LHCGR: variants seen among roughly 807,000 people sequenced by gnomAD.
The protein encoded by LHCGR is lutropin-choriogonadotropic hormone receptor.
In LHCGR, 55 loss-of-function variants were observed where a neutral mutation model predicts 60.7. That is an observed-to-expected ratio of 0.91 (90% CI 0.73 to 1.13). LHCGR has a LOEUF of 1.13. Ranked by LOEUF, LHCGR falls within the 50% of genes most tolerant of loss-of-function variation. LHCGR has a pLI of 0.00. For missense variants in LHCGR, 862 were observed against 836.0 expected (o/e 1.03, Z -0.38); for synonymous variants, 337 against 316.5 (o/e 1.06, Z -0.69).
intron 1 of LHCGR, among the ~76,000 whole-genome samples, chr2:48,742,982 T>G (rs182409792): frequency 6.6e-6 from 1 of 151,852 alleles, no homozygotes; most frequent in African/African-American, 2.4e-5. Context: ...AAGAATCCAA[T>G]AGATGCAATA....
At chr2:48,700,955 A>C (rs1189074267) in intron 8 of LHCGR, among the ~76,000 whole-genome samples, 1 of 152,200 alleles carries the variant, frequency 6.6e-6, no homozygotes, top group African/African-American at 2.4e-5. Flanking sequence ...GGCAGGACTT[A>C]CGAAGTAGAC....
chr2:48,736,230 T>C (rs1669200899), intron 1 of LHCGR, among the ~76,000 whole-genome samples: 2 of 152,192 alleles, frequency 1.3e-5, no homozygotes, highest in Admixed American at 6.5e-5. Context: ...CCCAGGATTA[T>C]GTCTTCTCTT....
intron 4 of LHCGR, among the ~76,000 whole-genome samples, chr2:48,724,581 G>T (rs553732624): frequency 6.6e-5 from 10 of 152,174 alleles, no homozygotes; most frequent in Non-Finnish European, 1.5e-4. Flanking sequence ...AGACTGCAAC[G>T]TGTACTTGGG....
chr2:48,735,883 G>T (rs1669187021), intron 1 of LHCGR, among the ~76,000 whole-genome samples: 1 of 152,140 alleles, frequency 6.6e-6, no homozygotes, highest in African/African-American at 2.4e-5. Context: ...TGGAGGTGGG[G>T]CTTGGTTGGA....
chr2:48,691,691 C>G (rs896509223), intron 10 of LHCGR, among the ~76,000 whole-genome samples: 2 of 151,902 alleles, frequency 1.3e-5, no homozygotes, highest in South Asian at 4.2e-4. Context: ...ACTAAAAATA[C>G]AAAAATTAGC....
rs187866593 is a variant in LHCGR, at chr2:48,734,147, C to A, written c.162-2849G>T. The stretch of plus-strand genomic sequence containing the variant: ...GGTGAGGGAGTATGTAAAATTTGGA[C>A]CGTACACACCTAACTGAATAGGAGA... On this transcript the variant is annotated intron_variant, in intron 1 of 10. Transcript: ENST00000294954. 3.2e-3 allele frequency among the ~76,000 whole-genome samples: 488 copies of A among 152,254 alleles called. 3 individuals are homozygous for A. Among genetic ancestry groups the A allele is most frequent in the African/African-American group, 0.011 (454 of 41,536 alleles).
intron 1 of LHCGR, among the ~76,000 whole-genome samples, chr2:48,734,374 C>T (rs897738325): frequency 1.1e-4 from 16 of 152,136 alleles, no homozygotes; most frequent in African/African-American, 3.9e-4. Flanking sequence ...TTGAGAGGAA[C>T]AGAAGTGGGA....
At chr2:48,754,480 A>C (rs1670116922) in intron 1 of LHCGR, among the ~76,000 whole-genome samples, 1 of 150,320 alleles carries the variant, frequency 6.7e-6, no homozygotes, top group African/African-American at 2.5e-5. Context: ...TTCTCTTTTC[A>C]CAGCTGTATT....
chr2:48,747,038 T>A (rs541789406), intron 1 of LHCGR, among the ~76,000 whole-genome samples: 18 of 152,254 alleles, frequency 1.2e-4, no homozygotes, highest in African/African-American at 4.3e-4. Context: ...TGTGTAAAAG[T>A]TGGTTGCAAC....
chr2:48,705,094 T>C (rs1465330941), intron 8 of LHCGR, among the ~76,000 whole-genome samples: 2 of 152,250 alleles, frequency 1.3e-5, no homozygotes, highest in African/African-American at 4.8e-5. Flanking sequence ...ATTATGTCTT[T>C]GTTCTCATTG....
chr2:48,740,071 AG>A (rs1353524997), intron 1 of LHCGR, among the ~76,000 whole-genome samples: 8 of 152,230 alleles, frequency 5.3e-5, no homozygotes, highest in Non-Finnish European at 1.2e-4. Flanking sequence ...AGTCAAAGAA[AG>A]GGGTGACAGA....
At chr2:48,727,018 T>G (rs1668767565) in intron 3 of LHCGR, among the ~76,000 whole-genome samples, 1 of 152,212 alleles carries the variant, frequency 6.6e-6, no homozygotes, top group South Asian at 2.1e-4. Flanking sequence ...CTCAGCCCTT[T>G]TGATTCTTCA....
At chr2:48,739,788 T>C (rs1269233795) in intron 1 of LHCGR, among the ~76,000 whole-genome samples, 2 of 152,112 alleles carry the variant, frequency 1.3e-5, no homozygotes, top group African/African-American at 4.8e-5. Context: ...GTTGTGTACA[T>C]GTACCCTAAA....
chr2:48,721,099 A>T (rs1171747672), intron 6 of LHCGR: 2 of 150,780 alleles, frequency 1.3e-5, no homozygotes, highest in African/African-American at 4.8e-5. Flanking sequence ...AGCTTGTATT[A>T]TTATTTTATT....
intron 6 of LHCGR, among the ~76,000 whole-genome samples, chr2:48,715,258 A>G (rs1483072534): frequency 6.6e-6 from 1 of 152,188 alleles, no homozygotes; most frequent in Non-Finnish European, 1.5e-5. Context: ...TGTATCTAGA[A>G]CAGTGCGTGG....
At chr2:48,719,298 G>C (rs1162550508) in intron 6 of LHCGR, among the ~76,000 whole-genome samples, 1 of 152,164 alleles carries the variant, frequency 6.6e-6, no homozygotes, top group Non-Finnish European at 1.5e-5. Flanking sequence ...TGGCTGGTTA[G>C]ACACAGAGCC....
At chr2:48,744,159 G>T (rs1184615461) in intron 1 of LHCGR, among the ~76,000 whole-genome samples, 1 of 62,224 alleles carries the variant, frequency 1.6e-5, no homozygotes, top group Non-Finnish European at 3.0e-5. Context: ...ACCTCTTCAA[G>T]GAGAACTACA....
chr2:48,755,700 C>T lies in LHCGR; in HGVS notation c.-29G>A. 6.5e-7 allele frequency: 1 copy of T among 1,533,794 alleles called. No homozygotes were observed. The highest frequency in any genetic ancestry group is 1.2e-5 in the South Asian group (1 of 83,828). ...CGGCGAACTGGGCTTCTGCGGCTTGCCAGTGTCTTGGACGGCCTCTGAGTG... is the reference window on the plus strand; with the variant it reads ...CGGCGAACTGGGCTTCTGCGGCTTGTCAGTGTCTTGGACGGCCTCTGAGTG... On this transcript the variant is annotated 5_prime_UTR_variant, in exon 1 of 11. Coordinates refer to ENST00000294954, the MANE Select transcript of LHCGR (RefSeq NM_000233.4).
At chr2:48,732,761 C>G in intron 1 of LHCGR, 2 of 468,638 alleles carry the variant, frequency 4.3e-6, no homozygotes, top group South Asian at 3.3e-5. Flanking sequence ...AGCGGTTTAC[C>G]AGCCGTTCCT....
Sources: allele counts gnomAD v4.1 joint callset (sites outside exome capture counted in the v4.1 genomes callset), GRCh38; gene constraint gnomAD v4.1.1; transcripts MANE v1.5; gene names NCBI Gene and HGNC (gene_info 2026-07-23, HGNC 2026-07-21).